The following MYO16 variants were observed in gnomAD, a reference collection of about 807,000 sequenced individuals.
MYO16 encodes myosin XVI, also known as unconventional myosin-XVI.
In MYO16, 94 loss-of-function variants were observed where a neutral mutation model predicts 205.3. That is an observed-to-expected ratio of 0.46 (90% CI 0.39 to 0.54). The LOEUF is 0.54. Among genes scored for constraint, MYO16 ranks in the 20% least tolerant of loss-of-function variants. MYO16 has a pLI of 0.00. For synonymous variants in MYO16, 988 were observed against 954.0 expected (o/e 1.04, Z -0.66); for missense variants, 2,315 against 2,387.5 (o/e 0.97, Z 0.63).
intron 20 of MYO16, among the ~76,000 whole-genome samples, chr13:108,984,772 TA>T (rs1218845836): frequency 6.6e-6 from 1 of 152,174 alleles, no homozygotes; most frequent in Non-Finnish European, 1.5e-5. Context: ...AACCAACACA[TA>T]AACTTCAAAT....
intron 14 of MYO16, among the ~76,000 whole-genome samples, chr13:108,891,053 C>T (rs557959022): frequency 3.9e-5 from 6 of 152,266 alleles, no homozygotes; most frequent in African/African-American, 1.2e-4. Context: ...AGCTCAGTTT[C>T]TATGTGGGGA....
chr13:108,782,972 G>C (rs1886351524), intron 4 of MYO16, among the ~76,000 whole-genome samples: 1 of 152,198 alleles, frequency 6.6e-6, no homozygotes. Context: ...AACCTCTACA[G>C]CAGTGCAAAA....
intron 28 of MYO16, among the ~76,000 whole-genome samples, chr13:109,117,304 C>T (rs114273922): frequency 6.6e-5 from 10 of 151,578 alleles, no homozygotes; most frequent in African/African-American, 2.2e-4. Flanking sequence ...ACATCCCTGC[C>T]ACTTGTGCAT....
Position 108,992,377 on chromosome 13 carries a change from A to G in MYO16, c.2371A>G (p.Met791Val). ...CLHSQDEQKS[M>V]QTLDIGILDI... The stretch of plus-strand genomic sequence containing the variant: ...TCCTGGTGTATTGTTTTGTTTCAGC[A>G]TGCAGACATTGGATATTGGAATATT... The change falls in exon 21 of 35, where the codon ATG (methionine) becomes GTG (valine). Residue 791 changes from methionine to valine, a missense_variant and splice_region_variant. By Grantham distance (21) the Met-to-Val change is conservative. This residue lies in a region of MYO16 where 1,213 missense variants were observed against 1,274.4 expected (regional missense o/e 0.95). Coordinates refer to ENST00000457511, the MANE Select transcript of MYO16 (RefSeq NM_001198950.3). 5 of 1,607,696 alleles carry G rather than the reference A, an allele frequency of 3.1e-6. No individual in the cohort carries two copies. The highest frequency in any genetic ancestry group is 4.3e-6 in the Non-Finnish European group (5 of 1,175,416).
At chr13:108,796,357 G>A (rs1886788746) in intron 6 of MYO16, among the ~76,000 whole-genome samples, 1 of 152,282 alleles carries the variant, frequency 6.6e-6, no homozygotes, top group East Asian at 1.9e-4. Flanking sequence ...AAGTCAGTGT[G>A]GCAATTCCTC....
chr13:108,503,791 A>G, the MYO16 span, among the ~76,000 whole-genome samples: 1 of 152,186 alleles, frequency 6.6e-6, no homozygotes, highest in Non-Finnish European at 1.5e-5. Context: ...CCTTTAAAAC[A>G]TGAGGAGCTA....
At chr13:108,906,960 T>A (rs1881008624) in intron 15 of MYO16, among the ~76,000 whole-genome samples, 1 of 152,114 alleles carries the variant, frequency 6.6e-6, no homozygotes, top group South Asian at 2.1e-4. Context: ...TGGAAAGAAA[T>A]GCATAGTTGT....
intron 16 of MYO16, among the ~76,000 whole-genome samples, chr13:108,946,147 C>G (rs1356492170): frequency 1.3e-5 from 2 of 152,006 alleles, no homozygotes; most frequent in African/African-American, 2.4e-5. Context: ...CATCCCTTCC[C>G]TCCTCCCCAT....
At chr13:108,791,067 T>C (rs1886601772) in intron 5 of MYO16, among the ~76,000 whole-genome samples, 1 of 152,198 alleles carries the variant, frequency 6.6e-6, no homozygotes, top group Admixed American at 6.5e-5. Context: ...GAAATGATAT[T>C]TGCCAAAATA....
chr13:108,593,507 G>A (rs879670923), upstream of MYO16, among the ~76,000 whole-genome samples: 16 of 152,192 alleles, frequency 1.1e-4, no homozygotes, highest in Non-Finnish European at 1.8e-4. Context: ...CTGTGCTTCA[G>A]AGTATGAAGC....
chr13:108,558,010 T>C, the MYO16 span, among the ~76,000 whole-genome samples: 1 of 152,204 alleles, frequency 6.6e-6, no homozygotes, highest in Admixed American at 6.5e-5. Context: ...CAAGCAGCCC[T>C]GAGAATAATT....
chr13:108,908,164 G>A (rs920694499), intron 15 of MYO16, among the ~76,000 whole-genome samples: 3 of 152,160 alleles, frequency 2.0e-5, no homozygotes, highest in African/African-American at 4.8e-5. Context: ...CTCATCCACT[G>A]AGGTTTACTG....
intron 27 of MYO16, among the ~76,000 whole-genome samples, chr13:109,065,247 A>G (rs1030761343): frequency 6.6e-6 from 1 of 152,172 alleles, no homozygotes; most frequent in Admixed American, 6.6e-5. Flanking sequence ...CTCTCGCTGT[A>G]TTCTATTCAT....
chr13:109,171,886 GT>G (rs1878937386), intron 33 of MYO16, among the ~76,000 whole-genome samples: 2 of 152,126 alleles, frequency 1.3e-5, no homozygotes, highest in African/African-American at 4.8e-5. Flanking sequence ...TTCTGTATAC[GT>G]TGTCTATTTT....
intron 32 of MYO16, among the ~76,000 whole-genome samples, chr13:109,150,163 G>C (rs1264663795): frequency 6.6e-6 from 1 of 152,138 alleles, no homozygotes; most frequent in African/African-American, 2.4e-5. Flanking sequence ...GATTGGAACA[G>C]GGGAAAGACA....
At position 109,125,828 on chromosome 13, in the gene MYO16, C is replaced by A. The variant is rs930219744; in HGVS notation, c.3782+470C>A. On this transcript the variant is annotated intron_variant, in intron 30 of 34. Transcript: ENST00000457511. The surrounding 1 kb of genome is among the most constrained non-coding windows in gnomAD (Gnocchi z 4.0). ...GATAGATTGTAAGTGTATTATATAT[C>A]CCTGTGTAAACTGTCACGTCTCTCT... Among the ~76,000 whole-genome samples the A allele has an allele frequency of 6.6e-6, 1 of 152,168 alleles. No homozygotes were observed. Among genetic ancestry groups the A allele is most frequent in the African/African-American group, 2.4e-5 (1 of 41,420 alleles).
At chr13:109,089,889 G>A (rs374917655) in intron 27 of MYO16, among the ~76,000 whole-genome samples, 1 of 152,154 alleles carries the variant, frequency 6.6e-6, no homozygotes, top group African/African-American at 2.4e-5. Context: ...GCAGAAAGCT[G>A]CATGTAGAAT....
chr13:108,744,007 C>T (rs1373285196), intron 4 of MYO16, among the ~76,000 whole-genome samples: 1 of 152,194 alleles, frequency 6.6e-6, no homozygotes, highest in Admixed American at 6.5e-5. Flanking sequence ...GATACCCTTT[C>T]GTAGAGAATA....
intron 34 of MYO16, among the ~76,000 whole-genome samples, chr13:109,189,071 G>T (rs1409847756): frequency 6.6e-6 from 1 of 151,614 alleles, no homozygotes; most frequent in Non-Finnish European, 1.5e-5. Context: ...TTCAGCCTGG[G>T]CAACAAGAGC....
Sources: gnomAD v4.1 joint callset for allele counts (sites outside exome capture counted in the v4.1 genomes callset) on GRCh38, gnomAD v4.1.1 for gene constraint, gnomAD v4.1.1 regional missense constraint, Gnocchi (gnomAD v3.1) non-coding constraint, MANE v1.5 for transcripts, NCBI Gene and HGNC (gene_info 2026-07-23, HGNC 2026-07-21) for gene names.